Variants in KCNIP1 observed in about 807,000 individuals in gnomAD.
KCNIP1 encodes the protein A-type potassium channel modulatory protein KCNIP1.
KCNIP1 carries 18 observed loss-of-function variants against 33.0 expected under a neutral mutation model. That is an observed-to-expected ratio of 0.55 (90% CI 0.38 to 0.81). The LOEUF is 0.81. Among genes scored for constraint, KCNIP1 ranks in the 30% least tolerant of loss-of-function variants. The pLI, the probability that KCNIP1 is intolerant of heterozygous loss-of-function variation, is 0.00. For synonymous variants in KCNIP1, 93 were observed against 98.3 expected (o/e 0.95, Z 0.32); for missense variants, 238 against 271.6 (o/e 0.88, Z 0.87).
chr5:170,577,048 A>G (rs1757627573), intron 1 of KCNIP1, among the ~76,000 whole-genome samples: 1 of 152,148 alleles, frequency 6.6e-6, no homozygotes, highest in Non-Finnish European at 1.5e-5. Flanking sequence ...ATTGAAGTGA[A>G]GGGTCACCAT....
At chr5:170,385,825 A>C (rs1378531028) in intron 1 of KCNIP1, among the ~76,000 whole-genome samples, 1 of 152,110 alleles carries the variant, frequency 6.6e-6, no homozygotes, top group East Asian at 1.9e-4. Context: ...TGATTAAGAT[A>C]AAGGCTCTTG....
chr5:170,709,173 T>C (rs1763362102), intron 1 of KCNIP1, among the ~76,000 whole-genome samples: 1 of 152,226 alleles, frequency 6.6e-6, no homozygotes, highest in Admixed American at 6.5e-5. Flanking sequence ...AGTTTCTTAA[T>C]TATGTTGCTC....
chr5:170,615,584 G>A (rs1304987855), intron 1 of KCNIP1, among the ~76,000 whole-genome samples: 3 of 152,144 alleles, frequency 2.0e-5, no homozygotes, highest in Non-Finnish European at 4.4e-5. Context: ...CCAGCAGCCT[G>A]GGCTTTTCCA....
Position 170,538,385 on chromosome 5 carries a change from C to A in KCNIP1, c.61+33752C>A, listed in dbSNP as rs181692297. Among the ~76,000 whole-genome samples the A allele has an allele frequency of 2.3e-4, 35 of 152,272 alleles. 1 individual carries two copies. Among genetic ancestry groups the A allele is most frequent in the African/African-American group, 8.4e-4 (35 of 41,548 alleles). ...AATATTCTATTACGACTGTTATTCCCAACCCCCTTTCCAATGGGGTGGTGA... is the reference window on the plus strand; with the variant it reads ...AATATTCTATTACGACTGTTATTCCAAACCCCCTTTCCAATGGGGTGGTGA... On this transcript the variant is annotated intron_variant, in intron 1 of 7. Transcript: ENST00000328939.
intron 1 of KCNIP1, among the ~76,000 whole-genome samples, chr5:170,616,529 G>T (rs757589714): frequency 1.2e-4 from 19 of 152,180 alleles, no homozygotes; most frequent in South Asian, 4.1e-4. Context: ...GCCTTGCAGG[G>T]GCTGGGTAAG....
chr5:170,504,521 T>A lies in KCNIP1; in HGVS notation c.-52T>A. 6.2e-7 allele frequency: 1 copy of A among 1,608,998 alleles called. No homozygotes were observed. The highest frequency in any genetic ancestry group is 2.2e-5 in the East Asian group (1 of 44,818). On this transcript the variant is annotated 5_prime_UTR_variant, in exon 1 of 8. Transcript: ENST00000328939. The surrounding 1 kb of genome is among the most constrained non-coding windows in gnomAD (Gnocchi z 6.0). ...AAACCACGGGGATTTCTTTCCAGGG[T>A]AGGGGAGGGGCCGGGCCCGGGGTCC...
At chr5:170,542,104 C>T (rs1358286688) in intron 1 of KCNIP1, among the ~76,000 whole-genome samples, 1 of 152,196 alleles carries the variant, frequency 6.6e-6, no homozygotes, top group Non-Finnish European at 1.5e-5. Context: ...AACTGAACAA[C>T]AGTAATAATA....
At chr5:170,428,561 A>T (rs1755663842) in intron 1 of KCNIP1, among the ~76,000 whole-genome samples, 1 of 152,176 alleles carries the variant, frequency 6.6e-6, no homozygotes. Flanking sequence ...TGAGAACTTT[A>T]GAGCAGCTCC....
chr5:170,540,504 G>C (rs189430023), intron 1 of KCNIP1, among the ~76,000 whole-genome samples: 1 of 152,314 alleles, frequency 6.6e-6, no homozygotes, highest in East Asian at 1.9e-4. Context: ...TTACACTGGA[G>C]AGCATGGTGC....
chr5:170,399,754 A>C (rs1020962311), intron 1 of KCNIP1, among the ~76,000 whole-genome samples: 15 of 152,348 alleles, frequency 9.8e-5, no homozygotes, highest in Middle Eastern at 3.4e-3. Flanking sequence ...ATAATAGTCC[A>C]TCATATAGAT....
chr5:170,362,615 G>T (rs545649108), intron 1 of KCNIP1, among the ~76,000 whole-genome samples: 79 of 152,290 alleles, frequency 5.2e-4, no homozygotes, highest in African/African-American at 1.9e-3. Context: ...ACACCACCCA[G>T]CAAGATTTCC....
At chr5:170,395,385 G>A (rs1754732420) in intron 1 of KCNIP1, among the ~76,000 whole-genome samples, 1 of 152,180 alleles carries the variant, frequency 6.6e-6, no homozygotes, top group Admixed American at 6.5e-5. Context: ...TTCTAGAAAG[G>A]CTATACAGTT....
chr5:170,537,764 CA>C (rs1306527135), intron 1 of KCNIP1, among the ~76,000 whole-genome samples: 1 of 152,238 alleles, frequency 6.6e-6, no homozygotes, highest in African/African-American at 2.4e-5. Flanking sequence ...CCTCATTCAT[CA>C]AATTGGGGTG....
chr5:170,491,433 C>T (rs776891067), intron 1 of KCNIP1, among the ~76,000 whole-genome samples: 2 of 152,172 alleles, frequency 1.3e-5, no homozygotes, highest in Non-Finnish European at 2.9e-5. Flanking sequence ...AGGCTACTCT[C>T]CCCGCCCACA....
chr5:170,494,546 G>A (rs545589808), intron 1 of KCNIP1, among the ~76,000 whole-genome samples: 74 of 152,262 alleles, frequency 4.9e-4, no homozygotes, highest in Non-Finnish European at 8.5e-4. Flanking sequence ...ATTGCTACAC[G>A]AATGCCACGG....
chr5:170,425,009 C>T (rs1004610116), intron 1 of KCNIP1, among the ~76,000 whole-genome samples: 1 of 152,216 alleles, frequency 6.6e-6, no homozygotes, highest in East Asian at 1.9e-4. Context: ...CTAGCTTCAA[C>T]CTGTCATTCA....
At chr5:170,431,375 G>A (rs1240165096) in intron 1 of KCNIP1, among the ~76,000 whole-genome samples, 1 of 152,152 alleles carries the variant, frequency 6.6e-6, no homozygotes, top group Non-Finnish European at 1.5e-5. Flanking sequence ...GCTGCTGGAG[G>A]GCACAGGATC....
chr5:170,393,886 G>A (rs1754683214), intron 1 of KCNIP1, among the ~76,000 whole-genome samples: 1 of 152,140 alleles, frequency 6.6e-6, no homozygotes, highest in South Asian at 2.1e-4. Flanking sequence ...GAGACAAAGA[G>A]GAGCATAAAT....
At position 170,460,193 on chromosome 5, in the gene KCNIP1, A is replaced by G. The variant is rs142017116; in HGVS notation, c.88+106229A>G. On this transcript the variant is annotated intron_variant, in intron 1 of 7. Coordinates refer to the KCNIP1 transcript ENST00000377360. ...TAACAAGCAGTGAGATTGAAATGGT[A>G]ATTAAAAAATTACCAATAAAAAAGT... Among the ~76,000 whole-genome samples the G allele has an allele frequency of 8.9e-4, 136 of 152,296 alleles. 1 individual carries two copies. Among genetic ancestry groups the G allele is most frequent in the African/African-American group, 3.1e-3 (129 of 41,568 alleles).
Sources: gnomAD v4.1 joint callset for allele counts (sites outside exome capture counted in the v4.1 genomes callset) on GRCh38, gnomAD v4.1.1 for gene constraint, Gnocchi (gnomAD v3.1) non-coding constraint, MANE v1.5 for transcripts, NCBI Gene and HGNC (gene_info 2026-07-23, HGNC 2026-07-21) for gene names.